The following CARMIL1 variants were observed in gnomAD, a reference collection of about 807,000 sequenced individuals.
CARMIL1 encodes capping protein regulator and myosin 1 linker 1, also known as F-actin-uncapping protein LRRC16A.
A neutral mutation model predicts 177.1 loss-of-function variants in CARMIL1; 90 were observed. That is an observed-to-expected ratio of 0.51 (90% CI 0.43 to 0.61). CARMIL1 has a LOEUF of 0.61. CARMIL1 is among the 20% of genes least tolerant of loss of function. The pLI is 0.00. For missense variants in CARMIL1, 1,380 were observed against 1,667.0 expected (o/e 0.83, Z 3.00); for synonymous variants, 577 against 606.2 (o/e 0.95, Z 0.71).
At chr6:25,535,307 C>T (rs1049123784) in intron 24 of CARMIL1, among the ~76,000 whole-genome samples, 1 of 151,964 alleles carries the variant, frequency 6.6e-6, no homozygotes, top group Non-Finnish European at 1.5e-5. Flanking sequence ...GGAAAAGGAG[C>T]TGGGAATGTT....
At chr6:25,513,990 C>T (rs1470964553) in intron 20 of CARMIL1, among the ~76,000 whole-genome samples, 4 of 152,120 alleles carry the variant, frequency 2.6e-5, no homozygotes, top group Admixed American at 6.5e-5. Context: ...AATTCTTAAC[C>T]CCACTTTAAT....
chr6:25,350,761 G>C (rs1178173486), intron 2 of CARMIL1: 2 of 152,202 alleles, frequency 1.3e-5, no homozygotes, highest in Non-Finnish European at 2.9e-5. Flanking sequence ...TCTGATTTTT[G>C]TCTTCTGTGC....
intron 31 of CARMIL1, among the ~76,000 whole-genome samples, 177 bp downstream of exon 31, chr6:25,581,616 A>G (rs78537124): frequency 6.6e-6 from 1 of 152,368 alleles, no homozygotes; most frequent in East Asian, 1.9e-4. Flanking sequence ...ATTTTGGAGA[A>G]TGAACAGATT....
intron 2 of CARMIL1, among the ~76,000 whole-genome samples, chr6:25,311,682 A>G (rs1783831525): frequency 6.6e-6 from 1 of 151,332 alleles, no homozygotes; most frequent in Admixed American, 6.6e-5. Context: ...TTAGCCATCC[A>G]TCCCCCCAAC....
intron 2 of CARMIL1, among the ~76,000 whole-genome samples, chr6:25,367,860 A>T (rs571397548): frequency 5.3e-5 from 8 of 152,110 alleles, no homozygotes; most frequent in Non-Finnish European, 7.4e-5. Flanking sequence ...CCAGGTTCAA[A>T]TGATTTTCCT....
intron 29 of CARMIL1, among the ~76,000 whole-genome samples, chr6:25,570,552 A>G (rs1303189514): frequency 1.3e-5 from 2 of 152,234 alleles, no homozygotes; most frequent in African/African-American, 4.8e-5. Flanking sequence ...CCTGGAGAAA[A>G]TGTGACAAAG....
intron 29 of CARMIL1, among the ~76,000 whole-genome samples, chr6:25,578,787 T>C (rs1812841480): frequency 6.6e-6 from 1 of 152,184 alleles, no homozygotes; most frequent in Non-Finnish European, 1.5e-5. Flanking sequence ...ATGGGAAATG[T>C]AATTAGAAGT....
At chr6:25,582,751 A>G (rs562429386) in intron 31 of CARMIL1, among the ~76,000 whole-genome samples, 2 of 152,106 alleles carry the variant, frequency 1.3e-5, no homozygotes, top group South Asian at 2.1e-4. Context: ...CTCTGTAACT[A>G]TCCACTTCTC....
chr6:25,528,055 A>C (rs1176914474), intron 23 of CARMIL1, among the ~76,000 whole-genome samples: 3 of 152,206 alleles, frequency 2.0e-5, no homozygotes, highest in Non-Finnish European at 4.4e-5. Flanking sequence ...TTAACCTTGC[A>C]TTTATGTTAA....
At chr6:25,448,040 A>G (rs1413129586) in intron 5 of CARMIL1, among the ~76,000 whole-genome samples, 1 of 152,172 alleles carries the variant, frequency 6.6e-6, no homozygotes, top group Non-Finnish European at 1.5e-5. Flanking sequence ...TCCCACAGCT[A>G]TTTAGCCCTG....
At chr6:25,441,345 G>GTGTGTGTGTGTGTGTA (rs1562140367) in intron 5 of CARMIL1, among the ~76,000 whole-genome samples, 20 of 110,116 alleles carry the variant, frequency 1.8e-4, no homozygotes, top group African/African-American at 4.9e-4. Context: ...ATATGTGTGT[G>GTGTGTGTGTGTGTGTA]TGTGTGTGTG....
chr6:25,565,017 T>C (rs1811433894), intron 29 of CARMIL1, among the ~76,000 whole-genome samples: 1 of 152,118 alleles, frequency 6.6e-6, no homozygotes, highest in South Asian at 2.1e-4. Flanking sequence ...CCTCAGTAGC[T>C]GCTGTTACAA....
intron 2 of CARMIL1, among the ~76,000 whole-genome samples, chr6:25,342,727 T>G (rs1787069252): frequency 6.6e-6 from 1 of 152,334 alleles, no homozygotes; most frequent in East Asian, 1.9e-4. Context: ...AGGGTATTTC[T>G]TATAGTTTCT....
At position 25,450,385 on chromosome 6, in the gene CARMIL1, T is replaced by A; in HGVS notation, c.516T>A (p.Phe172Leu). 1.2e-6 allele frequency: 2 copies of A among 1,613,714 alleles called. No individual in the cohort carries two copies. Among genetic ancestry groups the A allele is most frequent in the Non-Finnish European group, 1.7e-6 (2 of 1,179,646 alleles). Residue 172 changes from phenylalanine to leucine, a missense_variant, in exon 7 of 37, where the codon TTT becomes TTA. Coordinates refer to ENST00000329474, the MANE Select transcript of CARMIL1 (RefSeq NM_017640.6). ...MYACVCDWLG[F>L]SYREEVQWDV... ...CCTGTGTTTGTGACTGGCTTGGATT[T>A]TCATACAGGGAAGAAGTACAATGGG...
At chr6:25,333,078 T>C (rs1296282798) in intron 2 of CARMIL1, among the ~76,000 whole-genome samples, 1 of 152,130 alleles carries the variant, frequency 6.6e-6, no homozygotes, top group Non-Finnish European at 1.5e-5. Context: ...ATCTGAATAG[T>C]ACAGATTGAT....
chr6:25,332,874 T>C (rs1185053961), intron 2 of CARMIL1, among the ~76,000 whole-genome samples: 1 of 152,118 alleles, frequency 6.6e-6, no homozygotes, highest in Non-Finnish European at 1.5e-5. Context: ...AAAGACCTGA[T>C]ACTTCCGTGC....
chr6:25,516,738 T>G (rs1806042875), intron 21 of CARMIL1, among the ~76,000 whole-genome samples: 1 of 152,202 alleles, frequency 6.6e-6, no homozygotes, highest in African/African-American at 2.4e-5. Flanking sequence ...AATATTTTTC[T>G]CCCCAAATAG....
chr6:25,357,106 G>T (rs1304191542), intron 2 of CARMIL1, among the ~76,000 whole-genome samples: 1 of 150,910 alleles, frequency 6.6e-6, no homozygotes, highest in Non-Finnish European at 1.5e-5. Flanking sequence ...ACTCTGTAAG[G>T]TTTGAGGAAA....
chr6:25,353,975 G>A (rs903228839), intron 2 of CARMIL1, among the ~76,000 whole-genome samples: 1 of 152,148 alleles, frequency 6.6e-6, no homozygotes, highest in Non-Finnish European at 1.5e-5. Flanking sequence ...TAGGAATGGG[G>A]TGCTACTGGC....
Sources: gnomAD v4.1 joint callset for allele counts (sites outside exome capture counted in the v4.1 genomes callset) on GRCh38, gnomAD v4.1.1 for gene constraint, MANE v1.5 for transcripts, NCBI Gene and HGNC (gene_info 2026-07-23, HGNC 2026-07-21) for gene names.